The following ADAMTS14 variants were observed in gnomAD, a reference collection of about 807,000 sequenced individuals.
ADAMTS14 encodes the protein ADAM metallopeptidase with thrombospondin type 1 motif 14.
ADAMTS14 carries 100 observed loss-of-function variants against 128.6 expected under a neutral mutation model. The ratio of observed to expected loss-of-function variants is 0.78; its 90% CI spans 0.66 to 0.92. The LOEUF is 0.92. ADAMTS14 is among the 40% of genes least tolerant of loss of function. The probability of loss-of-function intolerance (pLI) is 0.00; values close to 1 mark genes in which losing one functional copy is unlikely to be tolerated. For synonymous variants in ADAMTS14, 665 were observed against 653.8 expected, an observed-to-expected ratio of 1.02 and a Z score of -0.26; for missense variants, 1,562 against 1,658.6, an observed-to-expected ratio of 0.94 and a Z score of 1.01.
chr10:70,711,299 C>T (rs761160264), intron 4 of ADAMTS14, among the ~76,000 whole-genome samples: 16 of 152,222 alleles, frequency 1.1e-4, no homozygotes, highest in Non-Finnish European at 2.4e-4. Flanking sequence ...AGGAGTTTCC[C>T]CTCTGGTTCC....
intron 15 of ADAMTS14, among the ~76,000 whole-genome samples, chr10:70,748,246 GGA>G (rs1842243554): frequency 6.6e-6 from 1 of 152,222 alleles, no homozygotes; most frequent in Admixed American, 6.5e-5. Flanking sequence ...TCTGGACAGT[GGA>G]GAGTTTATGG....
chr10:70,718,374 T>C (rs531644395), intron 4 of ADAMTS14, among the ~76,000 whole-genome samples: 16 of 151,944 alleles, frequency 1.1e-4, no homozygotes, highest in Admixed American at 7.9e-4. Context: ...TTATTTATTA[T>C]ATTTATTTTA....
intron 12 of ADAMTS14, among the ~76,000 whole-genome samples, chr10:70,741,971 C>T (rs1402744231): frequency 6.6e-6 from 1 of 152,158 alleles, no homozygotes; most frequent in East Asian, 1.9e-4. Context: ...CTCCATCACA[C>T]AACTCTTGGC....
rs1840448733 is a variant in ADAMTS14, at chr10:70,700,066, A to G, written c.523-2246A>G. Among the ~76,000 whole-genome samples the G allele has an allele frequency of 2.0e-5, 3 of 152,154 alleles. No individual in the cohort carries two copies. The South Asian group carries it at 6.2e-4, about 32-fold the overall frequency. On this transcript the variant is annotated intron_variant, in intron 2 of 21. Coordinates refer to ENST00000373207, the MANE Select transcript of ADAMTS14 (RefSeq NM_080722.4). Reference sequence around the variant, plus strand: ...ATAAATCATGCAGGGCTTGGCTGAGAGTTCATCACAGGCCCTCACGGCAAC... The same window carrying G: ...ATAAATCATGCAGGGCTTGGCTGAGGGTTCATCACAGGCCCTCACGGCAAC...
intron 15 of ADAMTS14, among the ~76,000 whole-genome samples, 164 bp from the exon 16 acceptor site, chr10:70,749,658 G>T (rs1842291087): frequency 6.7e-6 from 1 of 150,210 alleles, no homozygotes; most frequent in African/African-American, 2.5e-5. Flanking sequence ...GGTTTGACAG[G>T]GAGCGTGTTG....
In ADAMTS14 at chr10:70,684,386, G is replaced by A. The variant is rs529664847; in HGVS notation, c.522+9391G>A. On this transcript the variant is annotated intron_variant, in intron 2 of 21. Coordinates refer to ENST00000373207, the MANE Select transcript of ADAMTS14 (RefSeq NM_080722.4). ...ACTTCTGCACCTTCTGCTGGTCAACGCAGGCCATAAAGCTGGACAAAATTT... is the reference window on the plus strand; with the variant it reads ...ACTTCTGCACCTTCTGCTGGTCAACACAGGCCATAAAGCTGGACAAAATTT... Among the ~76,000 whole-genome samples the A allele has an allele frequency of 4.3e-4, 65 of 152,288 alleles. 1 individual carries two copies. The highest frequency in any genetic ancestry group is 1.4e-3 in the African/African-American group (59 of 41,552).
chr10:70,740,690 G>C (rs1179002401), intron 11 of ADAMTS14, among the ~76,000 whole-genome samples: 1 of 152,224 alleles, frequency 6.6e-6, no homozygotes, highest in African/African-American at 2.4e-5. Flanking sequence ...TTCCAGTCCA[G>C]CTGGAGAGGG....
At chr10:70,715,352 C>A (rs1841005430) in intron 4 of ADAMTS14, among the ~76,000 whole-genome samples, 1 of 152,110 alleles carries the variant, frequency 6.6e-6, no homozygotes, top group Non-Finnish European at 1.5e-5. Context: ...CATGTATGTC[C>A]TGGAGGGGCC....
intron 3 of ADAMTS14, among the ~76,000 whole-genome samples, chr10:70,704,349 T>C (rs569763950): frequency 9.2e-5 from 14 of 152,022 alleles, no homozygotes; most frequent in Admixed American, 9.2e-4. Context: ...CACTCACATC[T>C]ACCCATGCAC....
At chr10:70,730,687 A>G (rs1027456530) in intron 6 of ADAMTS14, among the ~76,000 whole-genome samples, 3 of 152,166 alleles carry the variant, frequency 2.0e-5, no homozygotes, top group African/African-American at 7.2e-5. Flanking sequence ...CCAGTGGTCC[A>G]AGATCTCTTC....
intron 14 of ADAMTS14, among the ~76,000 whole-genome samples, chr10:70,744,756 T>C (rs1247098058): frequency 1.3e-5 from 2 of 152,152 alleles, no homozygotes; most frequent in African/African-American, 4.8e-5. Flanking sequence ...CCTTTGATTG[T>C]TGGGGACAAG....
intron 2 of ADAMTS14, among the ~76,000 whole-genome samples, chr10:70,681,231 G>A (rs1328265855): frequency 6.6e-6 from 1 of 152,222 alleles, no homozygotes; most frequent in East Asian, 1.9e-4. Context: ...GGGGTGGCTT[G>A]GAGGTGAGTA....
At chr10:70,734,148 A>C in intron 8 of ADAMTS14, 120 bp downstream of exon 8, 11 of 1,333,088 alleles carry the variant, frequency 8.3e-6, no homozygotes, top group Non-Finnish European at 1.1e-5. Context: ...TCCGTGACTC[A>C]TCTCGCCTCC....
chr10:70,701,601 T>G (rs1840494602), intron 2 of ADAMTS14, among the ~76,000 whole-genome samples: 1 of 152,222 alleles, frequency 6.6e-6, no homozygotes, highest in Non-Finnish European at 1.5e-5. Context: ...TGGGGGATAA[T>G]AACACATTTT....
intron 8 of ADAMTS14, 115 bp downstream of exon 8, chr10:70,734,143 G>A: frequency 7.3e-7 from 1 of 1,373,586 alleles, no homozygotes; most frequent in East Asian, 2.4e-5. Flanking sequence ...ACTCTTCCGT[G>A]ACTCATCTCG....
chr10:70,675,755 C>T (rs1046687040), intron 2 of ADAMTS14, among the ~76,000 whole-genome samples: 9 of 152,232 alleles, frequency 5.9e-5, no homozygotes, highest in African/African-American at 2.2e-4. Context: ...GGGGTTGGCT[C>T]TCATTCCCCT....
intron 4 of ADAMTS14, among the ~76,000 whole-genome samples, chr10:70,716,532 C>T (rs943888586): frequency 1.3e-5 from 2 of 152,206 alleles, no homozygotes; most frequent in African/African-American, 4.8e-5. Flanking sequence ...CAGTCTGCCT[C>T]CCTGGGGACC....
intron 1 of ADAMTS14, 40 bp downstream of exon 1, chr10:70,672,924 G>T: frequency 7.1e-7 from 1 of 1,411,232 alleles, no homozygotes; most frequent in Non-Finnish European, 9.2e-7. Flanking sequence ...GTGGGGTCCG[G>T]GGTGCACGCG....
chr10:70,736,382 T>A (rs1841826752), intron 9 of ADAMTS14, among the ~76,000 whole-genome samples: 1 of 152,038 alleles, frequency 6.6e-6, no homozygotes, highest in Admixed American at 6.5e-5. Flanking sequence ...CACGCCCTAG[T>A]CCCAGCTCAG....
Sources: allele counts gnomAD v4.1 joint callset (sites outside exome capture counted in the v4.1 genomes callset), GRCh38; gene constraint gnomAD v4.1.1; transcripts MANE v1.5; gene names NCBI Gene and HGNC (gene_info 2026-07-23, HGNC 2026-07-21).